Variants in DPP4 observed in about 807,000 individuals in gnomAD.
DPP4 encodes the protein dipeptidyl peptidase 4, also known as ADCP-2.
Under a neutral mutation model 122.4 loss-of-function variants are expected in DPP4, and 93 were observed. The observed-to-expected ratio is 0.76, with a 90% CI of 0.64 to 0.90. The LOEUF is 0.90. Ranked by LOEUF, DPP4 falls within the 40% of genes least tolerant of loss-of-function variation. DPP4 has a pLI of 0.00. For synonymous variants in DPP4, 321 were observed against 302.9 expected (o/e 1.06, Z -0.62); for missense variants, 914 against 907.3 (o/e 1.01, Z -0.09).
chr2:162,058,066 C>T (rs1054080983), intron 2 of DPP4, among the ~76,000 whole-genome samples: 5 of 152,300 alleles, frequency 3.3e-5, no homozygotes, highest in Admixed American at 6.5e-5. Context: ...AGCCACCATG[C>T]CTGGCCTCTA....
chr2:162,012,989 T>C (rs1682758889), intron 19 of DPP4, among the ~76,000 whole-genome samples: 1 of 152,160 alleles, frequency 6.6e-6, no homozygotes, highest in Admixed American at 6.6e-5. Context: ...AATGCATTCA[T>C]GCATTTCTTG....
intron 23 of DPP4, among the ~76,000 whole-genome samples, chr2:161,999,132 C>T (rs528888019): frequency 6.6e-6 from 1 of 152,226 alleles, no homozygotes; most frequent in African/African-American, 2.4e-5. Context: ...GCAGCTGTGT[C>T]ACCTTGCCTC....
At chr2:162,067,836 T>C (rs1430732570) in intron 2 of DPP4, among the ~76,000 whole-genome samples, 1 of 152,198 alleles carries the variant, frequency 6.6e-6, no homozygotes, top group Admixed American at 6.5e-5. Context: ...AAGTAATGAT[T>C]AAACATTAAC....
rs939274372 is a variant in DPP4 at position 162,011,700 on chromosome 2, C to G, written c.1832+93G>C. ...AAGATTACAAATTCATCCCAGAACACTTTAAATTATTTACACTTTACAGCT... is the reference window on the plus strand; with the variant it reads ...AAGATTACAAATTCATCCCAGAACAGTTTAAATTATTTACACTTTACAGCT... On this transcript the variant is annotated intron_variant, in intron 20 of 25. Coordinates refer to ENST00000360534, the MANE Select transcript of DPP4 (RefSeq NM_001935.4). 1.5e-5 allele frequency: 20 copies of G among 1,313,604 alleles called. No homozygotes were observed. The African/African-American group carries it at 2.7e-4, about 18-fold the overall frequency. 81.4% of individuals were successfully genotyped at this position (1,313,604 alleles called of 1,614,324 possible).
rs199554489 is a variant in DPP4, at chr2:162,009,278, C to T, written c.1850G>A (p.Gly617Glu). 10 of 1,613,752 alleles carry T rather than the reference C, an allele frequency of 6.2e-6. No homozygotes were observed. Among genetic ancestry groups the T allele is most frequent in the South Asian group, 1.1e-5 (1 of 91,076 alleles). ...IEAARQFSKM[G>E]FVDNKRIAIW... ...TGCAATTCGTTTGTTGTCCACAAAT[C>T]CCATTTTTGAAAATTGTCTAAAACA... Residue 617 changes from glycine to glutamate, a missense_variant, in exon 21 of 26, where the codon GGA becomes GAA. Physicochemically the swap from Gly to Glu is moderately conservative, Grantham distance 98. Transcript: ENST00000360534.
At chr2:162,018,879 C>T (rs1683015704) in intron 15 of DPP4, 29 bp from the exon 16 acceptor site, 2 of 1,611,770 alleles carry the variant, frequency 1.2e-6, no homozygotes, top group Non-Finnish European at 8.5e-7. Flanking sequence ...AAATTAAGTG[C>T]TTGAAGAAAA....
At chr2:162,061,841 TG>T (rs1204937930) in intron 2 of DPP4, among the ~76,000 whole-genome samples, 1 of 152,142 alleles carries the variant, frequency 6.6e-6, no homozygotes, top group Non-Finnish European at 1.5e-5. Context: ...ATATTTTAAC[TG>T]GGGGAGACAT....
chr2:162,031,496 C>T (rs1349685415), intron 10 of DPP4, among the ~76,000 whole-genome samples: 1 of 152,188 alleles, frequency 6.6e-6, no homozygotes, highest in Non-Finnish European at 1.5e-5. Flanking sequence ...CATGGCTCAT[C>T]CTCCCTACAG....
chr2:162,029,988 G>T (rs550004048), intron 10 of DPP4, among the ~76,000 whole-genome samples: 13 of 152,076 alleles, frequency 8.5e-5, no homozygotes, highest in Admixed American at 2.0e-4. Context: ...TTATCTATTA[G>T]TTTATTCTAC....
intron 24 of DPP4, 114 bp from the exon 25 acceptor site, chr2:161,995,148 A>T: frequency 1.5e-6 from 2 of 1,348,082 alleles, no homozygotes; most frequent in Non-Finnish European, 2.1e-6. Flanking sequence ...AGGACTCAGC[A>T]TCCCATTTAG....
At chr2:162,013,133 T>C (rs1347413449) in intron 19 of DPP4, among the ~76,000 whole-genome samples, 1 of 97,532 alleles carries the variant, frequency 1.0e-5, no homozygotes, top group African/African-American at 6.0e-5. Flanking sequence ...CAAGATTATT[T>C]TTTAAAATAG....
chr2:162,038,804 C>A lies in DPP4; in HGVS notation c.492+145G>T, dbSNP rs1033593244. 5 of 734,022 alleles carry A rather than the reference C, an allele frequency of 6.8e-6. No homozygotes were observed. The African/African-American group carries it at 7.1e-5, about 10-fold the overall frequency. 45.5% of individuals were successfully genotyped at this position (734,022 alleles called of 1,614,324 possible). A position where few individuals can be genotyped will look rare whatever the true frequency, so the allele number is the denominator to read the frequency against. Reference sequence around the variant, plus strand: ...TGGAAGAGAGAAGTTCAGCTGCAGACAAACATTAGATCCTGGGCAATAACA... The same window carrying A: ...TGGAAGAGAGAAGTTCAGCTGCAGAAAAACATTAGATCCTGGGCAATAACA... On this transcript the variant is annotated intron_variant, in intron 7 of 25. Transcript: ENST00000360534.
intron 2 of DPP4, among the ~76,000 whole-genome samples, chr2:162,055,664 T>A (rs1428658926): frequency 6.8e-6 from 1 of 147,928 alleles, no homozygotes; most frequent in African/African-American, 2.5e-5. Flanking sequence ...AAAGTGAAAC[T>A]CTGTCTCAAA....
At chr2:162,070,193 A>G (rs1212717805) in intron 2 of DPP4, among the ~76,000 whole-genome samples, 1 of 152,224 alleles carries the variant, frequency 6.6e-6, no homozygotes, top group Non-Finnish European at 1.5e-5. Context: ...AATTTAAAAC[A>G]TACAATCATT....
intron 23 of DPP4, among the ~76,000 whole-genome samples, chr2:162,001,895 G>A (rs888201281): frequency 5.3e-5 from 8 of 152,164 alleles, no homozygotes; most frequent in Non-Finnish European, 1.2e-4. Flanking sequence ...TAGAGCTTCC[G>A]GTATCAGCTC....
intron 8 of DPP4, 50 bp downstream of exon 8, chr2:162,038,251 AT>A (rs1226364645): frequency 1.4e-6 from 2 of 1,470,376 alleles, no homozygotes; most frequent in African/African-American, 2.9e-5. Context: ...ACATTTAACT[AT>A]TTTAAAAGCT....
chr2:162,028,063 A>G (rs1314780255), intron 10 of DPP4, among the ~76,000 whole-genome samples: 3 of 151,914 alleles, frequency 2.0e-5, no homozygotes, highest in Admixed American at 2.0e-4. Flanking sequence ...CATTTAAAAA[A>G]AAAAAAAACA....
rs180751515 is a variant in DPP4 at position 162,015,622 on chromosome 2, C to T, written c.1567+1146G>A. Among the ~76,000 whole-genome samples the T allele has an allele frequency of 5.3e-5, 8 of 152,194 alleles. No individual in the cohort carries two copies. The East Asian group carries it at 1.2e-3, about 22-fold the overall frequency. On this transcript the variant is annotated intron_variant, in intron 18 of 25. Transcript: ENST00000360534. The stretch of plus-strand genomic sequence containing the variant: ...CACAGAGTCCCACCTTCCCGGCTCC[C>T]TCCTCCCTGACCTACCTTTCATCCC...
At chr2:162,007,449 A>T (rs6432707) in intron 22 of DPP4, among the ~76,000 whole-genome samples, 53,719 of 151,712 alleles carry the variant, frequency 0.35, 9,852 homozygotes, top group East Asian at 0.65. Context: ...GTAAACTTTT[A>T]AAAAAATATG....
Sources: gnomAD v4.1 joint callset for allele counts (sites outside exome capture counted in the v4.1 genomes callset) on GRCh38, gnomAD v4.1.1 for gene constraint, MANE v1.5 for transcripts, NCBI Gene and HGNC (gene_info 2026-07-23, HGNC 2026-07-21) for gene names.